RHOQ: variants seen among roughly 807,000 people sequenced by gnomAD.
RHOQ encodes the protein ras homolog family member Q.
Under a neutral mutation model 25.8 loss-of-function variants are expected in RHOQ, and 7 were observed. That is an observed-to-expected ratio of 0.27 (90% CI 0.15 to 0.51). RHOQ has a LOEUF of 0.51. RHOQ is among the 20% of genes least tolerant of loss of function. The pLI is 0.97. For missense variants in RHOQ, 165 were observed against 260.6 expected (o/e 0.63, Z 2.53); for synonymous variants, 97 against 98.6 (o/e 0.98, Z 0.10).
In RHOQ at chr2:46,552,805, G is replaced by T. The variant is rs1262911078; in HGVS notation, c.201+8993G>T. The stretch of plus-strand genomic sequence containing the variant: ...CCCCAGAGGCACAGTGTTTTGAAGG[G>T]TAGGTCAACCATGAGTGGTGGGAGG... On this transcript the variant is annotated intron_variant, in intron 2 of 4. Coordinates refer to ENST00000238738, the MANE Select transcript of RHOQ (RefSeq NM_012249.4). The surrounding 1 kb of genome is among the most constrained non-coding windows in gnomAD (Gnocchi z 5.0). Among the ~76,000 whole-genome samples the T allele has an allele frequency of 6.6e-6, 1 of 152,254 alleles. No individual in the cohort carries two copies. The highest frequency in any genetic ancestry group is 1.5e-5 in the Non-Finnish European group (1 of 68,048).
chr2:46,578,512 G>A (rs1160015007), intron 4 of RHOQ, among the ~76,000 whole-genome samples: 3 of 133,102 alleles, frequency 2.3e-5, no homozygotes, highest in African/African-American at 5.5e-5. Flanking sequence ...TGGGTGGATC[G>A]TTTGAGCCCA....
intron 2 of RHOQ, among the ~76,000 whole-genome samples, chr2:46,550,042 CACA>C (rs1421518680): frequency 6.6e-6 from 1 of 152,002 alleles, no homozygotes; most frequent in African/African-American, 2.4e-5. Context: ...GCCTGGACAA[CACA>C]ACAAGACCCC....
In RHOQ at chr2:46,576,845, G is replaced by A; in HGVS notation, c.462+189G>A. The A allele has an allele frequency of 2.3e-6, 1 of 428,442 alleles. No individual in the cohort carries two copies. The highest frequency in any genetic ancestry group is 4.2e-6 in the Non-Finnish European group (1 of 239,060). The allele number at this position is 428,442 out of a possible 1,614,324, so 26.5% of individuals were successfully genotyped here. ...TTACACAGAAGAGACAGTGGAGGCT[G>A]GGAGATGTCAGATAATTCGCCCAAG... On this transcript the variant is annotated intron_variant, in intron 4 of 4. Transcript: ENST00000238738. The surrounding 1 kb of genome is among the most constrained non-coding windows in gnomAD (Gnocchi z 5.1).
chr2:46,573,541 A>G (rs969201906), intron 2 of RHOQ, among the ~76,000 whole-genome samples: 1 of 152,240 alleles, frequency 6.6e-6, no homozygotes, highest in Non-Finnish European at 1.5e-5. Flanking sequence ...AGAAATATCT[A>G]GAAATGATTG....
intron 2 of RHOQ, among the ~76,000 whole-genome samples, chr2:46,564,700 G>A (rs1049286987): frequency 4.6e-5 from 7 of 152,186 alleles, no homozygotes; most frequent in African/African-American, 1.4e-4. Flanking sequence ...TCTCTTTGCT[G>A]CTTGGCTGCG....
rs1394160883 is a variant in RHOQ, at chr2:46,566,230, G to GA, written c.202-9855dup. On this transcript the variant is annotated intron_variant, in intron 2 of 4. Coordinates refer to ENST00000238738, the MANE Select transcript of RHOQ (RefSeq NM_012249.4). The surrounding 1 kb of genome is among the most constrained non-coding windows in gnomAD (Gnocchi z 4.2). Reference sequence around the variant, plus strand: ...GAAATGAATTTAGTTCAGAAATGTTGAATTTGAGATGCTTCTGGTTCAGCT... The same window carrying GA: ...GAAATGAATTTAGTTCAGAAATGTTGAAATTTGAGATGCTTCTGGTTCAGCT... Among the ~76,000 whole-genome samples the GA allele has an allele frequency of 6.6e-6, 1 of 152,106 alleles. No individual in the cohort carries two copies. Among genetic ancestry groups the GA allele is most frequent in the Non-Finnish European group, 1.5e-5 (1 of 68,022 alleles).
In RHOQ at chr2:46,576,424, T is replaced by A; in HGVS notation, c.367-137T>A. 2 of 898,672 alleles carry A rather than the reference T, an allele frequency of 2.2e-6. No individual in the cohort carries two copies. The highest frequency in any genetic ancestry group is 3.4e-6 in the Non-Finnish European group (2 of 593,072). 55.7% of individuals were successfully genotyped at this position (898,672 alleles called of 1,614,324 possible). A position where few individuals can be genotyped will look rare whatever the true frequency, so the allele number is the denominator to read the frequency against. On this transcript the variant is annotated intron_variant, in intron 3 of 4. Transcript: ENST00000238738. This position sits in a 1 kb window ranked among gnomAD's most constrained non-coding sequence, Gnocchi z 5.1. ...AAAAATTGTGCCAAAAGAAAGCAAT[T>A]ATTTTCCTGGTTTTTAAAAATTAAG...
At chr2:46,560,758 AC>A (rs1247289030) in intron 2 of RHOQ, 2 of 314,544 alleles carry the variant, frequency 6.4e-6, no homozygotes, top group Non-Finnish European at 1.3e-5. Context: ...GTCTGTATAG[AC>A]CATGACTTTT....
rs181934112 is a variant in RHOQ, at chr2:46,576,479, G to A, written c.367-82G>A. The A allele has an allele frequency of 2.5e-5, 23 of 916,716 alleles. No homozygotes were observed. Among genetic ancestry groups the A allele is most frequent in the Admixed American group, 1.8e-4 (7 of 39,104 alleles). 56.8% of individuals were successfully genotyped at this position (916,716 alleles called of 1,614,324 possible). A position where few individuals can be genotyped will look rare whatever the true frequency, so the allele number is the denominator to read the frequency against. On this transcript the variant is annotated intron_variant, in intron 3 of 4. Transcript: ENST00000238738. The surrounding 1 kb of genome is among the most constrained non-coding windows in gnomAD (Gnocchi z 5.1). Reference sequence around the variant, plus strand: ...TTTGTTTAATCTTTTTTTGGTATGTGGGAATTAAGTGGGATTACATGCTTT... The same window carrying A: ...TTTGTTTAATCTTTTTTTGGTATGTAGGAATTAAGTGGGATTACATGCTTT...
chr2:46,569,355 A>C lies in RHOQ; in HGVS notation c.202-6732A>C, dbSNP rs893975293. 10 of 152,186 alleles carry C rather than the reference A, an allele frequency of 6.6e-5. No individual in the cohort carries two copies. The highest frequency in any genetic ancestry group is 2.4e-4 in the African/African-American group (10 of 41,430). 9.4% of individuals were successfully genotyped at this position (152,186 alleles called of 1,614,324 possible). A position where few individuals can be genotyped will look rare whatever the true frequency, so the allele number is the denominator to read the frequency against. On this transcript the variant is annotated intron_variant, in intron 2 of 4. Transcript: ENST00000238738. The surrounding 1 kb of genome is among the most constrained non-coding windows in gnomAD (Gnocchi z 4.1). The stretch of plus-strand genomic sequence containing the variant: ...CGTAGTGTGAACCTCCTCCCACATT[A>C]AATCTGCTAGTAGGGCTGCTCACAA...
chr2:46,580,134 G>C (rs1050121926), intron 4 of RHOQ: 5 of 152,762 alleles, frequency 3.3e-5, no homozygotes, highest in African/African-American at 1.2e-4. Context: ...GCTCTGCTCA[G>C]AATCCTCCAG....
chr2:46,571,245 A>T (rs536032710), intron 2 of RHOQ, among the ~76,000 whole-genome samples: 1 of 152,298 alleles, frequency 6.6e-6, no homozygotes, highest in South Asian at 2.1e-4. Context: ...ACTTCCTAAG[A>T]TCGAAAGCTG....
chr2:46,553,958 C>G (rs954455672), intron 2 of RHOQ, among the ~76,000 whole-genome samples: 2 of 152,126 alleles, frequency 1.3e-5, no homozygotes, highest in Non-Finnish European at 2.9e-5. Flanking sequence ...GGTACCCATC[C>G]TTCTACTCCC....
intron 2 of RHOQ, among the ~76,000 whole-genome samples, chr2:46,574,855 G>A (rs1008658269): frequency 1.3e-5 from 2 of 152,154 alleles, no homozygotes; most frequent in African/African-American, 4.8e-5. Context: ...AACTCCAAGT[G>A]GAAGATGATG....
At position 46,576,754 on chromosome 2, in the gene RHOQ, G is replaced by A. The variant is rs1005327360; in HGVS notation, c.462+98G>A. The A allele has an allele frequency of 5.1e-6, 4 of 788,644 alleles. No homozygotes were observed. The highest frequency in any genetic ancestry group is 8.3e-6 in the Non-Finnish European group (4 of 483,700). 48.9% of individuals were successfully genotyped at this position (788,644 alleles called of 1,614,324 possible). On this transcript the variant is annotated intron_variant, in intron 4 of 4. Coordinates refer to ENST00000238738, the MANE Select transcript of RHOQ (RefSeq NM_012249.4). This position sits in a 1 kb window ranked among gnomAD's most constrained non-coding sequence, Gnocchi z 5.1. ...GTGTATTTACTGTGTGCCAGGTGGAGTGCTTTACATGCATTATCTCATTTA... is the reference window on the plus strand; with the variant it reads ...GTGTATTTACTGTGTGCCAGGTGGAATGCTTTACATGCATTATCTCATTTA...
Position 46,576,868 on chromosome 2 carries a change from A to G in RHOQ, c.462+212A>G, listed in dbSNP as rs1669145724. On this transcript the variant is annotated intron_variant, in intron 4 of 4. Transcript: ENST00000238738. The surrounding 1 kb of genome is among the most constrained non-coding windows in gnomAD (Gnocchi z 5.1). ...CTGGGAGATGTCAGATAATTCGCCC[A>G]AGATCCTGCAGGTAATAAATGGCAG... 5.1e-6 allele frequency: 2 copies of G among 394,548 alleles called. No homozygotes were observed. Among genetic ancestry groups the G allele is most frequent in the Non-Finnish European group, 4.5e-6 (1 of 220,228 alleles). 24.4% of individuals were successfully genotyped at this position (394,548 alleles called of 1,614,324 possible).
At chr2:46,545,003 G>A (rs1668000160) in intron 2 of RHOQ, among the ~76,000 whole-genome samples, 1 of 152,200 alleles carries the variant, frequency 6.6e-6, no homozygotes, top group African/African-American at 2.4e-5. Context: ...TCTGAAACAT[G>A]CCTTATTGAG....
At chr2:46,551,019 G>A (rs1558682555) in intron 2 of RHOQ, among the ~76,000 whole-genome samples, 2 of 152,170 alleles carry the variant, frequency 1.3e-5, no homozygotes, top group Non-Finnish European at 1.5e-5. Context: ...GGAAGAGATG[G>A]GGGCCAGTAG....
At position 46,548,955 on chromosome 2, in the gene RHOQ, G is replaced by T. The variant is rs527720705; in HGVS notation, c.201+5143G>T. Among the ~76,000 whole-genome samples, 1 of 152,234 alleles carries T rather than the reference G, an allele frequency of 6.6e-6. No homozygotes were observed. The highest frequency in any genetic ancestry group is 1.9e-4 in the East Asian group (1 of 5,174). ...TCCCCTCCTTGGGACTCTGATGTGG[G>T]TTTGGGTTATGCCAGCTTAGACTGT... On this transcript the variant is annotated intron_variant, in intron 2 of 4. Transcript: ENST00000238738. The surrounding 1 kb of genome is among the most constrained non-coding windows in gnomAD (Gnocchi z 5.2).
Sources: gnomAD v4.1 joint callset for allele counts (sites outside exome capture counted in the v4.1 genomes callset) on GRCh38, gnomAD v4.1.1 for gene constraint, Gnocchi (gnomAD v3.1) non-coding constraint, MANE v1.5 for transcripts, NCBI Gene and HGNC (gene_info 2026-07-23, HGNC 2026-07-21) for gene names.